The following EPS15 variants were observed in gnomAD, a reference collection of about 807,000 sequenced individuals.
EPS15 encodes epidermal growth factor receptor substrate 15.
EPS15 carries 72 observed loss-of-function variants against 113.8 expected under a neutral mutation model. The ratio of observed to expected loss-of-function variants is 0.63; its 90% CI spans 0.52 to 0.77. The LOEUF (loss-of-function observed/expected upper bound fraction) is 0.77, where lower values mean the gene tolerates loss of function less well. Among genes scored for constraint, EPS15 ranks in the 30% least tolerant of loss-of-function variants. The pLI, the probability that EPS15 is intolerant of heterozygous loss-of-function variation, is 0.00. For synonymous variants in EPS15, 344 were observed against 363.4 expected (o/e 0.95, Z 0.61); for missense variants, 1,048 against 1,045.8 (o/e 1.00, Z -0.03).
intron 21 of EPS15, among the ~76,000 whole-genome samples, chr1:51,371,931 C>A (rs1646665887): frequency 6.6e-6 from 1 of 152,170 alleles, no homozygotes; most frequent in Non-Finnish European, 1.5e-5. Flanking sequence ...TAAATACTTA[C>A]CATTGCGTTA....
chr1:51,482,662 C>T (rs552476461), intron 1 of EPS15, among the ~76,000 whole-genome samples: 28 of 152,120 alleles, frequency 1.8e-4, no homozygotes, highest in Non-Finnish European at 2.6e-4. Context: ...GATGGGGTTT[C>T]GCCATGTTGT....
intron 1 of EPS15, among the ~76,000 whole-genome samples, chr1:51,504,598 G>T (rs181116177): frequency 6.6e-6 from 1 of 151,800 alleles, no homozygotes; most frequent in Non-Finnish European, 1.5e-5. Flanking sequence ...AACAGGCAAA[G>T]AATATAAATA....
chr1:51,379,031 T>C (rs1646870942), intron 21 of EPS15, among the ~76,000 whole-genome samples: 1 of 152,220 alleles, frequency 6.6e-6, no homozygotes, highest in South Asian at 2.1e-4. Context: ...TGAGTTACAT[T>C]ATAATCAAAC....
intron 23 of EPS15, among the ~76,000 whole-genome samples, chr1:51,361,759 T>A (rs1646391484): frequency 6.6e-6 from 1 of 152,202 alleles, no homozygotes; most frequent in East Asian, 1.9e-4. Flanking sequence ...CTCAGCCTGA[T>A]AACAGTTATC....
intron 21 of EPS15, among the ~76,000 whole-genome samples, chr1:51,370,325 G>C (rs1646615817): frequency 6.6e-6 from 1 of 152,190 alleles, no homozygotes. Flanking sequence ...AAATGCTTGG[G>C]AGAAGGAGTG....
chr1:51,404,517 G>A (rs966281591), intron 16 of EPS15, among the ~76,000 whole-genome samples: 1 of 152,024 alleles, frequency 6.6e-6, no homozygotes, highest in Non-Finnish European at 1.5e-5. Flanking sequence ...AAATAAAATC[G>A]AGTCTGTTAA....
chr1:51,471,218 A>G (rs1032570639), intron 4 of EPS15, among the ~76,000 whole-genome samples: 3 of 152,204 alleles, frequency 2.0e-5, no homozygotes, highest in African/African-American at 7.2e-5. Context: ...ACCCTTGGCC[A>G]TAACCACTTT....
intron 21 of EPS15, among the ~76,000 whole-genome samples, chr1:51,368,029 G>C (rs2148354886): frequency 6.6e-6 from 1 of 152,154 alleles, no homozygotes; most frequent in African/African-American, 2.4e-5. Context: ...CTACTCAGGA[G>C]GCTGAGGCAG....
chr1:51,490,318 C>T lies in EPS15; in HGVS notation c.34-9004G>A, dbSNP rs1463073149. The T allele has an allele frequency of 3.6e-5, 16 of 444,716 alleles. No homozygotes were observed. In the East Asian group the frequency reaches 3.9e-4, roughly 11 times the overall value. 27.5% of individuals were successfully genotyped at this position (444,716 alleles called of 1,614,324 possible). A position where few individuals can be genotyped will look rare whatever the true frequency, so the allele number is the denominator to read the frequency against. ...TGGTGGCTCACACCTATAATCCCAGCACTCTGGGCGGCCAAAGCGGGCAAA... is the reference window on the plus strand; with the variant it reads ...TGGTGGCTCACACCTATAATCCCAGTACTCTGGGCGGCCAAAGCGGGCAAA... On this transcript the variant is annotated intron_variant, in intron 1 of 24. Coordinates refer to ENST00000371733, the MANE Select transcript of EPS15 (RefSeq NM_001981.3).
chr1:51,472,967 G>A lies in EPS15; in HGVS notation c.76-19C>T, dbSNP rs41292535. The A allele has an allele frequency of 0.022, 35,494 of 1,588,492 alleles. 488 individuals carry two copies. Among genetic ancestry groups the A allele is most frequent in the African/African-American group, 0.05 (3,719 of 74,356 alleles). On this transcript the variant is annotated intron_variant, in intron 2 of 24. Coordinates refer to ENST00000371733, the MANE Select transcript of EPS15 (RefSeq NM_001981.3). ...TATCAACCTGAAAAGATACAAATCC[G>A]TAAGTTGACAACAAAATACAAAAGG...
At chr1:51,373,559 C>A (rs1390709522) in intron 21 of EPS15, among the ~76,000 whole-genome samples, 1 of 152,206 alleles carries the variant, frequency 6.6e-6, no homozygotes, top group Non-Finnish European at 1.5e-5. Flanking sequence ...ATGGGGGCTG[C>A]TAAATGGAAT....
At chr1:51,379,262 G>C (rs1646878451) in intron 21 of EPS15, among the ~76,000 whole-genome samples, 1 of 152,160 alleles carries the variant, frequency 6.6e-6, no homozygotes, top group Admixed American at 6.5e-5. Context: ...TAGGACTACA[G>C]GCGCAAGCCA....
chr1:51,363,748 T>C (rs1457551906), intron 23 of EPS15, 118 bp downstream of exon 23: 4 of 838,068 alleles, frequency 4.8e-6, no homozygotes, highest in Non-Finnish European at 1.8e-6. Context: ...GCAGCAGGCT[T>C]CTGACATATG....
At chr1:51,428,495 G>C (rs1329073635) in intron 12 of EPS15, among the ~76,000 whole-genome samples, 1 of 152,010 alleles carries the variant, frequency 6.6e-6, no homozygotes, top group African/African-American at 2.4e-5. Context: ...ACATAACAGG[G>C]GGAGTTCTGA....
At chr1:51,419,376 G>A (rs1650535887) in intron 13 of EPS15, among the ~76,000 whole-genome samples, 1 of 151,806 alleles carries the variant, frequency 6.6e-6, no homozygotes, top group African/African-American at 2.4e-5. Flanking sequence ...TACTCTAACT[G>A]AATTAGACAG....
intron 1 of EPS15, among the ~76,000 whole-genome samples, chr1:51,517,474 T>C (rs1435206491): frequency 2.0e-5 from 3 of 152,192 alleles, no homozygotes; most frequent in Non-Finnish European, 4.4e-5. Context: ...GAATAAAGTA[T>C]GCACACAACT....
At chr1:51,396,097 TA>T (rs1482722062) in intron 20 of EPS15, among the ~76,000 whole-genome samples, 1 of 152,174 alleles carries the variant, frequency 6.6e-6, no homozygotes, top group African/African-American at 2.4e-5. Context: ...CTATGAATGA[TA>T]AAAAGTAATG....
chr1:51,451,147 T>C (rs1653510216), intron 8 of EPS15, among the ~76,000 whole-genome samples: 1 of 151,720 alleles, frequency 6.6e-6, no homozygotes, highest in African/African-American at 2.4e-5. Context: ...TTATCTTTTG[T>C]GGTAAGGAGG....
chr1:51,459,973 G>C (rs1335497693), intron 8 of EPS15, among the ~76,000 whole-genome samples: 2 of 150,938 alleles, frequency 1.3e-5, no homozygotes, highest in African/African-American at 4.9e-5. Flanking sequence ...AATGTAACAG[G>C]GAATTAAATG....
Sources: gnomAD v4.1 joint callset for allele counts (sites outside exome capture counted in the v4.1 genomes callset) on GRCh38, gnomAD v4.1.1 for gene constraint, MANE v1.5 for transcripts, NCBI Gene and HGNC (gene_info 2026-07-23, HGNC 2026-07-21) for gene names.